Variants in BAIAP2 observed in about 807,000 individuals in gnomAD.
BAIAP2 encodes BAR/IMD domain containing adaptor protein 2, also known as BAR/IMD domain-containing adapter protein 2.
A neutral mutation model predicts 63.0 loss-of-function variants in BAIAP2; 18 were observed. That is an observed-to-expected ratio of 0.29 (90% CI 0.20 to 0.42). The LOEUF (loss-of-function observed/expected upper bound fraction) is 0.42. Among genes scored for constraint, BAIAP2 ranks in the 10% least tolerant of loss-of-function variants. The probability of loss-of-function intolerance (pLI) is 1.00; values close to 1 mark genes in which losing one functional copy is unlikely to be tolerated. For synonymous variants in BAIAP2, 386 were observed against 307.6 expected (o/e 1.25, Z -2.67); for missense variants, 610 against 734.3 (o/e 0.83, Z 1.96).
chr17:81,112,859 T>TG (rs2060077072), intron 13 of BAIAP2, among the ~76,000 whole-genome samples: 5 of 151,894 alleles, frequency 3.3e-5, no homozygotes, highest in Admixed American at 6.6e-5. Flanking sequence ...GAGATCAGCC[T>TG]GGGCAACCTA....
At chr17:81,085,863 A>G (rs1256724301) in intron 5 of BAIAP2, 138 bp downstream of exon 5, 2 of 684,374 alleles carry the variant, frequency 2.9e-6, no homozygotes, top group East Asian at 2.7e-5. Flanking sequence ...CTCTGACTTT[A>G]TTGTCCATTT....
chr17:81,093,678 C>G (rs771745274), intron 6 of BAIAP2, among the ~76,000 whole-genome samples: 1 of 152,144 alleles, frequency 6.6e-6, no homozygotes, highest in Non-Finnish European at 1.5e-5. Flanking sequence ...CAGGATCCCC[C>G]CTCCGGCTGC....
intron 13 of BAIAP2, among the ~76,000 whole-genome samples, chr17:81,115,499 A>T (rs2060445856): frequency 1.3e-5 from 2 of 151,932 alleles, no homozygotes; most frequent in East Asian, 1.9e-4. Flanking sequence ...TGCCCTGCCC[A>T]GCCCACACTG....
At chr17:81,073,574 G>A (rs2053090467) in intron 3 of BAIAP2, among the ~76,000 whole-genome samples, 1 of 152,182 alleles carries the variant, frequency 6.6e-6, no homozygotes, top group Non-Finnish European at 1.5e-5. Flanking sequence ...CTGAGCTGCT[G>A]TTTGCCCTCG....
intron 6 of BAIAP2, among the ~76,000 whole-genome samples, chr17:81,090,644 C>CAG (rs2056564193): frequency 6.6e-6 from 1 of 152,242 alleles, no homozygotes; most frequent in African/African-American, 2.4e-5. Flanking sequence ...CCTGGAAGCC[C>CAG]AGGAGGCCAG....
intron 1 of BAIAP2, among the ~76,000 whole-genome samples, chr17:81,036,595 C>T (rs926352164): frequency 1.3e-5 from 2 of 152,198 alleles, no homozygotes; most frequent in African/African-American, 2.4e-5. Flanking sequence ...GTTGGGGCCG[C>T]GTCAGTCTGG....
chr17:81,090,780 C>A (rs868574693), intron 6 of BAIAP2, among the ~76,000 whole-genome samples: 64 of 126,150 alleles, frequency 5.1e-4, no homozygotes, highest in African/African-American at 1.5e-3. Context: ...GGGTGAGTGC[C>A]ATGTGGCTGC....
intron 6 of BAIAP2, chr17:81,098,208 A>G (rs997348244): frequency 5.0e-6 from 7 of 1,405,688 alleles, no homozygotes; most frequent in Admixed American, 5.0e-5. Flanking sequence ...GAGTCATACA[A>G]CAAGCCCTGC....
intron 7 of BAIAP2, among the ~76,000 whole-genome samples, chr17:81,103,111 C>G (rs551077721): frequency 2.4e-4 from 37 of 152,302 alleles, no homozygotes; most frequent in Admixed American, 2.6e-4. Context: ...GCCTGACCCC[C>G]ACTGGGCAGC....
intron 3 of BAIAP2, among the ~76,000 whole-genome samples, chr17:81,063,189 T>G (rs2050887787): frequency 6.6e-6 from 1 of 151,930 alleles, no homozygotes; most frequent in African/African-American, 2.4e-5. Context: ...TGCAGAAATG[T>G]GAAAGGTCTG....
rs1214796085 is a variant in BAIAP2 at position 81,109,850 on chromosome 17, G to A, written c.1535+1341G>A. On this transcript the variant is annotated intron_variant, in intron 13 of 13. Transcript: ENST00000428708. Reference sequence around the variant, plus strand: ...CTTTGACCAGCCTTGTGAGGGCATCGATGCTGCCCCGGGCTACCTGGCTGC... The same window carrying A: ...CTTTGACCAGCCTTGTGAGGGCATCAATGCTGCCCCGGGCTACCTGGCTGC... 12 of 985,320 alleles carry A rather than the reference G, an allele frequency of 1.2e-5. No homozygotes were observed. The Admixed American group carries it at 2.5e-4, about 20-fold the overall frequency. 61.0% of individuals were successfully genotyped at this position (985,320 alleles called of 1,614,324 possible). A position where few individuals can be genotyped will look rare whatever the true frequency, so the allele number is the denominator to read the frequency against.
At chr17:81,063,477 C>T (rs1157772859) in intron 3 of BAIAP2, among the ~76,000 whole-genome samples, 1 of 152,204 alleles carries the variant, frequency 6.6e-6, no homozygotes, top group Non-Finnish European at 1.5e-5. Context: ...GCTCGAGGCC[C>T]AAGGGGCCCT....
intron 13 of BAIAP2, chr17:81,109,121 C>T (rs2059560550): frequency 2.1e-6 from 3 of 1,458,668 alleles, no homozygotes; most frequent in African/African-American, 1.4e-5. Flanking sequence ...CCACCTGCCC[C>T]ATGCCTTTTG....
chr17:81,067,373 C>T lies in BAIAP2; in HGVS notation c.217+9406C>T, dbSNP rs560317127. Among the ~76,000 whole-genome samples the T allele has an allele frequency of 8.3e-4, 127 of 152,356 alleles. 1 individual carries two copies. Among genetic ancestry groups the T allele is most frequent in the African/African-American group, 2.8e-3 (115 of 41,588 alleles). ...CTGTGGGGACCCTCCAGCACCTGAG[C>T]AGGGGAAGGGGGCGGGGGGGCCTCA... On this transcript the variant is annotated intron_variant, in intron 3 of 13. Coordinates refer to ENST00000428708, the MANE Select transcript of BAIAP2 (RefSeq NM_001144888.2).
rs138519322 is a variant in BAIAP2 at position 81,057,436 on chromosome 17, A to G, written c.131-445A>G. ...CGTCCTGGTCTGAGACTGTGAAGCA[A>G]TTGGAAATAGTTCTCCCACTCCAGG... On this transcript the variant is annotated intron_variant, in intron 2 of 13. Coordinates refer to ENST00000428708, the MANE Select transcript of BAIAP2 (RefSeq NM_001144888.2). 1.9e-3 allele frequency: 303 copies of G among 157,218 alleles called. 1 individual carries two copies. Among genetic ancestry groups the G allele is most frequent in the African/African-American group, 6.8e-3 (285 of 41,702 alleles). 9.7% of individuals were successfully genotyped at this position (157,218 alleles called of 1,614,324 possible).
intron 7 of BAIAP2, among the ~76,000 whole-genome samples, chr17:81,102,498 G>C (rs1282164804): frequency 6.6e-6 from 1 of 152,218 alleles, no homozygotes; most frequent in Non-Finnish European, 1.5e-5. Flanking sequence ...GCAATGTGAG[G>C]GCAGCCATGA....
rs369095819 is a variant in BAIAP2, at chr17:81,092,989, G to A, written c.489+6409G>A. Reference sequence around the variant, plus strand: ...AGAGCCCAGCCTGTGCCCACCGCTCGGGGGCAGGGAGCAGGGCCCGGGGGA... The same window carrying A: ...AGAGCCCAGCCTGTGCCCACCGCTCAGGGGCAGGGAGCAGGGCCCGGGGGA... On this transcript the variant is annotated intron_variant, in intron 6 of 13. Transcript: ENST00000428708. Among the ~76,000 whole-genome samples, 136 of 151,894 alleles carry A rather than the reference G, an allele frequency of 9.0e-4. 2 individuals carry two copies. The highest frequency in any genetic ancestry group is 3.1e-3 in the African/African-American group (127 of 41,444).
chr17:81,057,694 G>C, intron 2 of BAIAP2, 187 bp from the exon 3 acceptor site: 4 of 1,383,426 alleles, frequency 2.9e-6, no homozygotes, highest in Non-Finnish European at 3.7e-6. Context: ...TGATTGGGGT[G>C]AAACAAGAAT....
chr17:81,075,261 C>G (rs989227942), intron 3 of BAIAP2, among the ~76,000 whole-genome samples: 9 of 152,210 alleles, frequency 5.9e-5, no homozygotes, highest in Non-Finnish European at 1.0e-4. Context: ...GTGGCACTTC[C>G]TTGCTGCCCT....
Sources: allele counts gnomAD v4.1 joint callset (sites outside exome capture counted in the v4.1 genomes callset), GRCh38; gene constraint gnomAD v4.1.1; transcripts MANE v1.5; gene names NCBI Gene and HGNC (gene_info 2026-07-23, HGNC 2026-07-21).